NRG2: variants seen among roughly 807,000 people sequenced by gnomAD.
The protein encoded by NRG2 is neuregulin 2.
In NRG2, 27 loss-of-function variants were observed where a neutral mutation model predicts 73.9. The observed-to-expected ratio is 0.37, with a 90% CI of 0.27 to 0.50. The LOEUF (loss-of-function observed/expected upper bound fraction) is 0.50. NRG2 is among the 20% of genes least tolerant of loss of function. The probability of loss-of-function intolerance (pLI) is 0.96; values close to 1 mark genes in which losing one functional copy is unlikely to be tolerated. For synonymous variants in NRG2, 532 were observed against 541.0 expected, an observed-to-expected ratio of 0.98 and a Z score of 0.23; for missense variants, 1,126 against 1,210.1, an observed-to-expected ratio of 0.93 and a Z score of 1.03.
chr5:139,883,591 T>C (rs1277301479), intron 2 of NRG2, among the ~76,000 whole-genome samples: 1 of 152,050 alleles, frequency 6.6e-6, no homozygotes, highest in Non-Finnish European at 1.5e-5. Context: ...GGGAGCCAGC[T>C]GTTGTGTGGG....
At chr5:140,020,449 CAT>C (rs1307553840) in intron 1 of NRG2, among the ~76,000 whole-genome samples, 7 of 152,290 alleles carry the variant, frequency 4.6e-5, no homozygotes, top group Admixed American at 1.3e-4. Flanking sequence ...CCCAGCATAA[CAT>C]AAACTGTTAA....
chr5:139,944,396 T>C (rs1342470752), intron 1 of NRG2, among the ~76,000 whole-genome samples: 4 of 152,176 alleles, frequency 2.6e-5, no homozygotes, highest in Non-Finnish European at 5.9e-5. Context: ...AAAATCTCTG[T>C]CTATCCTTCC....
intron 2 of NRG2, among the ~76,000 whole-genome samples, chr5:139,883,692 T>C (rs1763687125): frequency 6.6e-6 from 1 of 151,932 alleles, no homozygotes; most frequent in South Asian, 2.1e-4. Flanking sequence ...GTAGGATGGG[T>C]AGGTGTGCAG....
At chr5:139,994,912 GT>G (rs908712911) in intron 1 of NRG2, among the ~76,000 whole-genome samples, 3 of 152,158 alleles carry the variant, frequency 2.0e-5, no homozygotes, top group Non-Finnish European at 4.4e-5. Context: ...AACTACAAGG[GT>G]TTTAAGAAGA....
At chr5:139,855,581 CCA>C in intron 6 of NRG2, 93 bp downstream of exon 6, 1 of 1,072,726 alleles carries the variant, frequency 9.3e-7, no homozygotes, top group Non-Finnish European at 1.4e-6. Flanking sequence ...ATAGAGGGCT[CCA>C]GTGGGGTGGG....
At chr5:139,982,761 G>C (rs1311801642) in intron 1 of NRG2, among the ~76,000 whole-genome samples, 2 of 152,204 alleles carry the variant, frequency 1.3e-5, no homozygotes, top group African/African-American at 4.8e-5. Context: ...AAGGCGCCTT[G>C]CTTTCCCCTG....
chr5:139,890,480 T>C (rs1429177289), intron 1 of NRG2, among the ~76,000 whole-genome samples: 33 of 149,428 alleles, frequency 2.2e-4, no homozygotes, highest in African/African-American at 7.4e-4. Context: ...TTTCTTTTTT[T>C]TTTTTTTTTT....
intron 5 of NRG2, among the ~76,000 whole-genome samples, chr5:139,860,907 T>C (rs1339580708): frequency 1.3e-5 from 2 of 152,038 alleles, no homozygotes; most frequent in African/African-American, 2.4e-5. Flanking sequence ...GCCTGGGGCA[T>C]AGGATCCTAG....
chr5:139,976,323 C>T (rs1756381495), intron 1 of NRG2, among the ~76,000 whole-genome samples: 1 of 152,218 alleles, frequency 6.6e-6, no homozygotes, highest in Non-Finnish European at 1.5e-5. Context: ...ATATTGCTCA[C>T]AATGCCTTCC....
intron 1 of NRG2, among the ~76,000 whole-genome samples, chr5:139,912,562 C>T (rs1488867772): frequency 1.3e-5 from 2 of 152,184 alleles, no homozygotes; most frequent in Admixed American, 1.3e-4. Context: ...CTCCTTCCCA[C>T]TGCCCCAAAT....
At chr5:139,848,747 GGGGA>G in intron 9 of NRG2, 50 bp from the exon 10 acceptor site, 1 of 1,083,704 alleles carries the variant, frequency 9.2e-7, no homozygotes, top group Non-Finnish European at 1.2e-6. Flanking sequence ...GGCCGGCGCG[GGGGA>G]GGGGGGGTTG....
In NRG2 at chr5:139,936,977, T is replaced by C. The variant is rs1478134713; in HGVS notation, c.701-49466A>G. Among the ~76,000 whole-genome samples, 3 of 152,262 alleles carry C rather than the reference T, an allele frequency of 2.0e-5. No homozygotes were observed. In the East Asian group the frequency reaches 5.8e-4, roughly 29 times the overall value. The stretch of plus-strand genomic sequence containing the variant: ...CCACCACACCCGGCTAATTTTTGTA[T>C]TTTTAGTAGAGACAGGGTTTCGCCA... On this transcript the variant is annotated intron_variant, in intron 1 of 9. Transcript: ENST00000361474.
At chr5:139,979,869 T>A (rs562461171) in intron 1 of NRG2, among the ~76,000 whole-genome samples, 1 of 152,326 alleles carries the variant, frequency 6.6e-6, no homozygotes, top group South Asian at 2.1e-4. Context: ...ACACAGAAAC[T>A]GTGAGATAAC....
At chr5:139,946,314 A>G (rs1753797101) in intron 1 of NRG2, among the ~76,000 whole-genome samples, 1 of 152,146 alleles carries the variant, frequency 6.6e-6, no homozygotes, top group Non-Finnish European at 1.5e-5. Context: ...TCTCACACTT[A>G]TGGTTAATTG....
chr5:139,920,586 T>C (rs1175568816), intron 1 of NRG2, among the ~76,000 whole-genome samples: 5 of 152,140 alleles, frequency 3.3e-5, no homozygotes, highest in African/African-American at 1.2e-4. Flanking sequence ...GGATTACACC[T>C]TCCAGAGAAG....
chr5:139,860,886 C>T (rs1383784740), intron 5 of NRG2, among the ~76,000 whole-genome samples: 5 of 152,110 alleles, frequency 3.3e-5, no homozygotes, highest in South Asian at 4.1e-4. Context: ...TTCTCTGTTA[C>T]GTGGGGATCA....
intron 5 of NRG2, among the ~76,000 whole-genome samples, chr5:139,860,211 G>C (rs551102228): frequency 6.6e-6 from 1 of 152,114 alleles, no homozygotes; most frequent in Non-Finnish European, 1.5e-5. Flanking sequence ...AGGCAGAGGC[G>C]CAAGAGTCAG....
At chr5:139,964,357 TACACACACACAC>T (rs71574473) in intron 1 of NRG2, among the ~76,000 whole-genome samples, 11 of 142,836 alleles carry the variant, frequency 7.7e-5, no homozygotes, top group African/African-American at 1.0e-4. Flanking sequence ...GAAATACAGA[TACACACACACAC>T]ACACACACAC....
At chr5:139,943,367 C>G (rs893458003) in intron 1 of NRG2, among the ~76,000 whole-genome samples, 1 of 152,036 alleles carries the variant, frequency 6.6e-6, no homozygotes, top group Non-Finnish European at 1.5e-5. Context: ...CCAGGCTGGT[C>G]TCTATCTCCT....
Sources: gnomAD v4.1 joint callset for allele counts (sites outside exome capture counted in the v4.1 genomes callset) on GRCh38, gnomAD v4.1.1 for gene constraint, MANE v1.5 for transcripts, NCBI Gene and HGNC (gene_info 2026-07-23, HGNC 2026-07-21) for gene names.